LRRC40: variants seen among roughly 807,000 people sequenced by gnomAD.
The protein encoded by LRRC40 is leucine rich repeat containing 40.
LRRC40 carries 76 observed loss-of-function variants against 72.8 expected under a neutral mutation model. The ratio of observed to expected loss-of-function variants is 1.04; its 90% CI spans 0.87 to 1.26. LRRC40 has a LOEUF of 1.26. LRRC40 is among the 50% of genes most tolerant of loss of function. The pLI is 0.00. For synonymous variants in LRRC40, 243 were observed against 254.2 expected, an observed-to-expected ratio of 0.96 and a Z score of 0.42; for missense variants, 684 against 698.9, an observed-to-expected ratio of 0.98 and a Z score of 0.24.
intron 6 of LRRC40, among the ~76,000 whole-genome samples, chr1:70,177,804 T>C (rs1196318134): frequency 6.6e-6 from 1 of 152,192 alleles, no homozygotes; most frequent in Non-Finnish European, 1.5e-5. Flanking sequence ...AGGTTTGAAC[T>C]GCACAGGTCC....
intron 11 of LRRC40, 29 bp from the exon 12 acceptor site, chr1:70,152,572 G>T (rs1264255189): frequency 8.3e-7 from 1 of 1,207,858 alleles, no homozygotes; most frequent in Non-Finnish European, 1.2e-6. Flanking sequence ...TAAAATGTTA[G>T]CACTTGAATT....
intron 1 of LRRC40, among the ~76,000 whole-genome samples, chr1:70,199,623 C>T (rs1571500195): frequency 6.6e-6 from 1 of 152,146 alleles, no homozygotes. Flanking sequence ...AATATATTTT[C>T]TCTTCCTTAT....
At chr1:70,197,206 G>T (rs1057294693) in intron 1 of LRRC40, among the ~76,000 whole-genome samples, 2 of 149,636 alleles carry the variant, frequency 1.3e-5, no homozygotes, top group Non-Finnish European at 3.0e-5. Context: ...CATGAGTACA[G>T]GCTTCCACAA....
At chr1:70,176,276 T>C (rs1190938553) in intron 6 of LRRC40, among the ~76,000 whole-genome samples, 1 of 152,130 alleles carries the variant, frequency 6.6e-6, no homozygotes, top group Non-Finnish European at 1.5e-5. Flanking sequence ...CTCACGCCTG[T>C]AATCCCAGCT....
At chr1:70,202,940 G>C (rs1314337127) in intron 1 of LRRC40, among the ~76,000 whole-genome samples, 1 of 152,186 alleles carries the variant, frequency 6.6e-6, no homozygotes, top group African/African-American at 2.4e-5. Context: ...GCCCAAGCTG[G>C]AGTGCAATGG....
chr1:70,202,887 T>C (rs1668779643), intron 1 of LRRC40, among the ~76,000 whole-genome samples: 1 of 152,114 alleles, frequency 6.6e-6, no homozygotes, highest in African/African-American at 2.4e-5. Context: ...TAATTTTTGT[T>C]AGTGTCATTA....
At position 70,175,860 on chromosome 1, in the gene LRRC40, T is replaced by G; in HGVS notation, c.927A>C (p.Ile309=). 1 of 1,594,074 alleles carries G rather than the reference T, an allele frequency of 6.3e-7. No homozygotes were observed. The highest frequency in any genetic ancestry group is 8.5e-7 in the Non-Finnish European group (1 of 1,172,788). Residue 309 remains isoleucine, a synonymous_variant, in exon 7 of 15, where the codon ATA becomes ATC. Transcript: ENST00000370952. Reference sequence around the variant, plus strand: ...CAAGCCTTTCCAAGGACCGTAGTAGTATAATTTCATCTGGAACAGATTTTA... The same window carrying G: ...CAAGCCTTTCCAAGGACCGTAGTAGGATAATTTCATCTGGAACAGATTTTA... ...NKLKSVPDEI[I]LLRSLERLDL... is the part of the protein sequence containing the mutation.
chr1:70,184,691 T>C, intron 4 of LRRC40, 94 bp downstream of exon 4: 2 of 1,176,394 alleles, frequency 1.7e-6, no homozygotes, highest in Non-Finnish European at 2.4e-6. Flanking sequence ...GCTGTCCATG[T>C]TCCCACAGTT....
At chr1:70,151,733 AT>A (rs916463477) in intron 12 of LRRC40, 287 of 146,324 alleles carry the variant, frequency 2.0e-3, no homozygotes, top group South Asian at 2.3e-3. Context: ...CACAATGACT[AT>A]TTTTTTTTTT....
At chr1:70,153,141 A>G (rs1427806529) in intron 11 of LRRC40, among the ~76,000 whole-genome samples, 2 of 152,166 alleles carry the variant, frequency 1.3e-5, no homozygotes, top group African/African-American at 4.8e-5. Flanking sequence ...CAGGTGGATT[A>G]CTTGAGGTCA....
rs528593889 is a variant in LRRC40 at position 70,174,383 on chromosome 1, G to C, written c.978-674C>G. Among the ~76,000 whole-genome samples the C allele has an allele frequency of 3.9e-5, 6 of 152,166 alleles. No individual in the cohort carries two copies. In the South Asian group the frequency reaches 1.2e-3, roughly 32 times the overall value. Reference sequence around the variant, plus strand: ...AATATAAAATAGTACAGTCACTTTCGAAAGTGGAGTCTTTTAAACATATGG... The same window carrying C: ...AATATAAAATAGTACAGTCACTTTCCAAAGTGGAGTCTTTTAAACATATGG... On this transcript the variant is annotated intron_variant, in intron 7 of 14. Coordinates refer to ENST00000370952, the MANE Select transcript of LRRC40 (RefSeq NM_017768.5).
At chr1:70,189,401 C>CA (rs1365716281) in intron 1 of LRRC40, 128 bp from the exon 2 acceptor site, 5 of 753,664 alleles carry the variant, frequency 6.6e-6, no homozygotes, top group Non-Finnish European at 1.0e-5. Context: ...TTTTCTAAAA[C>CA]AAAAAATAAG....
At chr1:70,176,113 T>C in intron 6 of LRRC40, 131 bp from the exon 7 acceptor site, 2 of 466,234 alleles carry the variant, frequency 4.3e-6, no homozygotes. Context: ...TTTATAAATA[T>C]CAAGATGTTT....
intron 1 of LRRC40, among the ~76,000 whole-genome samples, chr1:70,195,487 C>A (rs1301403972): frequency 6.6e-6 from 1 of 151,650 alleles, no homozygotes; most frequent in Non-Finnish European, 1.5e-5. Context: ...CAAATTAAAA[C>A]CACAAAAAAA....
chr1:70,185,361 G>A (rs191028921), intron 3 of LRRC40, among the ~76,000 whole-genome samples: 135 of 152,260 alleles, frequency 8.9e-4, no homozygotes, highest in African/African-American at 3.1e-3. Flanking sequence ...TCATGGGAGC[G>A]GTTTCCCCCA....
chr1:70,146,477 C>G (rs977563349), intron 14 of LRRC40, among the ~76,000 whole-genome samples: 27 of 152,240 alleles, frequency 1.8e-4, no homozygotes, highest in East Asian at 1.7e-3. Context: ...TCTCAACAAT[C>G]CTATGATGTA....
At chr1:70,171,122 A>G (rs1667991591) in intron 9 of LRRC40, among the ~76,000 whole-genome samples, 1 of 152,150 alleles carries the variant, frequency 6.6e-6, no homozygotes, top group Non-Finnish European at 1.5e-5. Flanking sequence ...ACTCTTTTCA[A>G]CAAATGGTGC....
chr1:70,204,953 G>A (rs927457164), intron 1 of LRRC40, among the ~76,000 whole-genome samples: 1 of 152,126 alleles, frequency 6.6e-6, no homozygotes, highest in South Asian at 2.1e-4. Flanking sequence ...AGAGCGTCTC[G>A]GCAGGGAACA....
intron 9 of LRRC40, among the ~76,000 whole-genome samples, chr1:70,161,886 C>T (rs774062813): frequency 6.6e-6 from 1 of 151,960 alleles, no homozygotes; most frequent in Admixed American, 6.6e-5. Flanking sequence ...AAGATGAACT[C>T]GATCTAGTGG....
Sources: gnomAD v4.1 joint callset for allele counts (sites outside exome capture counted in the v4.1 genomes callset) on GRCh38, gnomAD v4.1.1 for gene constraint, MANE v1.5 for transcripts, NCBI Gene and HGNC (gene_info 2026-07-23, HGNC 2026-07-21) for gene names.